MTMR10: variants seen among roughly 807,000 people sequenced by gnomAD.
MTMR10 encodes the protein myotubularin-related protein 10.
MTMR10 carries 56 observed loss-of-function variants against 88.1 expected under a neutral mutation model. The observed-to-expected ratio is 0.64, with a 90% CI of 0.51 to 0.79. The LOEUF is 0.79. Among genes scored for constraint, MTMR10 ranks in the 30% least tolerant of loss-of-function variants. The probability of loss-of-function intolerance (pLI) is 0.00; values close to 1 mark genes in which losing one functional copy is unlikely to be tolerated. For synonymous variants in MTMR10, 380 were observed against 340.9 expected (o/e 1.11, Z -1.26); for missense variants, 883 against 924.7 (o/e 0.95, Z 0.58).
At chr15:30,935,484 CAAAT>C (rs1476447604), downstream of MTMR10, among the ~76,000 whole-genome samples, 4 of 151,906 alleles carry the variant, frequency 2.6e-5, no homozygotes, top group Non-Finnish European at 5.9e-5. Flanking sequence ...ATAAACAAAT[CAAAT>C]AAAAATACAG....
Position 30,991,457 on chromosome 15 carries a change from G to T in MTMR10, c.50C>A (p.Pro17Gln). The T allele has an allele frequency of 6.6e-7, 1 of 1,503,954 alleles. No individual in the cohort carries two copies. Among genetic ancestry groups the T allele is most frequent in the Non-Finnish European group, 8.8e-7 (1 of 1,132,698 alleles). 93.2% of individuals were successfully genotyped at this position (1,503,954 alleles called of 1,614,324 possible). Reference protein sequence around the residue: ...PKPTFRSYLLPPPQTDDKINS... With the variant: ...PKPTFRSYLLQPPQTDDKINS... ...GGAGGGGTTGTTTACCTGGGGCGGT[G>T]GCAGGAGGTAGGACCTGAAGGTGGG... Residue 17 changes from proline (P) to glutamine (Q), a missense_variant, in exon 1 of 16, where the codon CCA becomes CAA. Physicochemically the swap from Pro to Gln is moderately conservative, Grantham distance 76. Around this residue, in one of 3 missense-constraint regions of MTMR10, gnomAD observed 414 missense variants for 423.2 expected, o/e 0.98. Coordinates refer to ENST00000435680, the MANE Select transcript of MTMR10 (RefSeq NM_017762.3).
intron 2 of MTMR10, among the ~76,000 whole-genome samples, chr15:30,989,653 G>A (rs1191734669): frequency 2.0e-5 from 3 of 151,710 alleles, no homozygotes; most frequent in Non-Finnish European, 4.4e-5. Flanking sequence ...CAGGATCTCG[G>A]CTCACTGCAA....
intron 2 of MTMR10, among the ~76,000 whole-genome samples, chr15:30,978,184 T>C (rs1595943313): frequency 6.6e-6 from 1 of 152,222 alleles, no homozygotes; most frequent in African/African-American, 2.4e-5. Flanking sequence ...CTATCTAGTT[T>C]ACATTCACAT....
the MTMR10 span, among the ~76,000 whole-genome samples, chr15:30,932,542 GA>G: frequency 6.6e-6 from 1 of 152,018 alleles, no homozygotes; most frequent in Non-Finnish European, 1.5e-5. Flanking sequence ...TATGGGCCTG[GA>G]GATTTTGGGG....
the MTMR10 span, among the ~76,000 whole-genome samples, chr15:30,931,840 C>T: frequency 6.6e-6 from 1 of 151,926 alleles, no homozygotes; most frequent in Non-Finnish European, 1.5e-5. Context: ...AGTGTAAGTC[C>T]TATAATGACT....
chr15:30,929,934 T>TA, the MTMR10 span, among the ~76,000 whole-genome samples: 2 of 116,882 alleles, frequency 1.7e-5, 1 homozygote, highest in African/African-American at 7.2e-5. Flanking sequence ...ATATAATATA[T>TA]AAAATATATA....
chr15:30,947,898 CG>C (rs1457710100), intron 13 of MTMR10, among the ~76,000 whole-genome samples: 1 of 152,146 alleles, frequency 6.6e-6, no homozygotes, highest in East Asian at 1.9e-4. Flanking sequence ...ACTAGAGATC[CG>C]AGGCAGCCAC....
At chr15:30,954,671 T>C in intron 10 of MTMR10, 92 bp downstream of exon 10, 1 of 1,245,382 alleles carries the variant, frequency 8.0e-7, no homozygotes, top group Non-Finnish European at 1.1e-6. Context: ...AATATATCTA[T>C]TTCTACATTT....
At chr15:30,937,447 C>CTTTT (rs11317050), downstream of MTMR10, among the ~76,000 whole-genome samples, 3 of 78,970 alleles carry the variant, frequency 3.8e-5, no homozygotes, top group Non-Finnish European at 7.2e-5. Context: ...GGGTAATAAA[C>CTTTT]TTTTTTTTTT....
chr15:30,931,926 A>C, the MTMR10 span, among the ~76,000 whole-genome samples: 3 of 151,810 alleles, frequency 2.0e-5, no homozygotes, highest in African/African-American at 4.8e-5. Context: ...TCCAAGAAAA[A>C]AAAAAGCCAG....
chr15:30,979,450 C>CTACAG (rs1357382058), intron 2 of MTMR10, among the ~76,000 whole-genome samples: 3 of 151,428 alleles, frequency 2.0e-5, no homozygotes, highest in African/African-American at 7.3e-5. Context: ...TGGTGGTGCG[C>CTACAG]ACCTGTAGCC....
chr15:30,960,818 T>C (rs2063391553), intron 7 of MTMR10, 63 bp downstream of exon 7: 6 of 1,428,114 alleles, frequency 4.2e-6, no homozygotes, highest in Non-Finnish European at 1.9e-6. Flanking sequence ...ACAACAGAGT[T>C]TGATGATTAT....
intron 9 of MTMR10, among the ~76,000 whole-genome samples, chr15:30,957,418 AATTGAGATATAAAGAATGAGTGAGCCG>A (rs1217770124): frequency 6.6e-6 from 1 of 152,178 alleles, no homozygotes; most frequent in Non-Finnish European, 1.5e-5. Context: ...ATGATGTTTG[AATTGAGATATAAAGAATGAGTGAGCCG>A]GGTGCAGTGG....
chr15:30,956,643 C>T (rs915016011), intron 9 of MTMR10, among the ~76,000 whole-genome samples: 1 of 152,060 alleles, frequency 6.6e-6, no homozygotes, highest in Non-Finnish European at 1.5e-5. Flanking sequence ...AGATGACACA[C>T]CTGAGGGAAA....
At chr15:30,943,265 T>C in intron 14 of MTMR10, 193 bp from the exon 15 acceptor site, 14 of 985,354 alleles carry the variant, frequency 1.4e-5, no homozygotes, top group African/African-American at 1.7e-5. Context: ...ACAGTCCCCA[T>C]GAACAAGGAG....
intron 8 of MTMR10, 35 bp downstream of exon 8, chr15:30,958,999 G>A (rs772289416): frequency 1.4e-5 from 23 of 1,612,960 alleles, no homozygotes; most frequent in East Asian, 2.2e-5. Context: ...AACAATGGAC[G>A]TCAGCATTCA....
the MTMR10 span, among the ~76,000 whole-genome samples, chr15:30,929,764 A>T: frequency 2.0e-5 from 1 of 49,658 alleles, no homozygotes; most frequent in East Asian, 5.0e-3. Flanking sequence ...TATAATATAT[A>T]AAATATATAA....
In MTMR10 at chr15:30,941,526, A is replaced by AT. The variant is rs1433895886; in HGVS notation, c.2277dup (p.Phe760IlefsTer12). ...AACCATATTTTGGCCCCACTTAAAA[A>AT]TTTGCTTAATGGTGTTCCTAAAATG... On this transcript the variant is annotated frameshift_variant, in exon 16 of 16. Coordinates refer to ENST00000435680, the MANE Select transcript of MTMR10 (RefSeq NM_017762.3). LOFTEE classifies it high-confidence loss of function. 1 of 1,610,790 alleles carries AT rather than the reference A, an allele frequency of 6.2e-7. No homozygotes were observed. The highest frequency in any genetic ancestry group is 1.1e-5 in the South Asian group (1 of 90,400).
At chr15:30,937,156 A>T, downstream of MTMR10, 1 of 1,614,052 alleles carries the variant, frequency 6.2e-7, no homozygotes, top group Non-Finnish European at 8.5e-7. Context: ...CGTCTTTCAC[A>T]TAAGCAGATG....
Sources: gnomAD v4.1 joint callset for allele counts (sites outside exome capture counted in the v4.1 genomes callset) on GRCh38, gnomAD v4.1.1 for gene constraint, gnomAD v4.1.1 regional missense constraint, MANE v1.5 for transcripts, NCBI Gene and HGNC (gene_info 2026-07-23, HGNC 2026-07-21) for gene names.